PAX3: variants seen among roughly 807,000 people sequenced by gnomAD.
PAX3 encodes paired box 3, also known as paired box protein Pax-3.
In PAX3, 14 loss-of-function variants were observed where a neutral mutation model predicts 51.6. That is an observed-to-expected ratio of 0.27 (90% CI 0.18 to 0.42). PAX3 has a LOEUF of 0.42. PAX3 is among the 10% of genes least tolerant of loss of function. The pLI is 1.00. For synonymous variants in PAX3, 280 were observed against 253.4 expected, an observed-to-expected ratio of 1.11 and a Z score of -1.00; for missense variants, 540 against 642.8, an observed-to-expected ratio of 0.84 and a Z score of 1.73.
intron 4 of PAX3, among the ~76,000 whole-genome samples, chr2:222,291,087 G>A (rs1415922319): frequency 6.6e-6 from 1 of 152,192 alleles, no homozygotes; most frequent in Admixed American, 6.5e-5. Context: ...CTTTGGCGCA[G>A]AGCACAGGAG....
chr2:222,239,600 A>T (rs1692931716), intron 4 of PAX3, among the ~76,000 whole-genome samples: 1 of 152,212 alleles, frequency 6.6e-6, no homozygotes, highest in African/African-American at 2.4e-5. Context: ...CTATCAAGCC[A>T]TACATTGAAC....
rs1691315941 is a variant in PAX3, at chr2:222,202,097, T to C, written c.1267A>G (p.Thr423Ala). Residue 423 changes from threonine (T) to alanine (A), a missense_variant, in exon 8 of 9, where the codon ACC (threonine) becomes GCC (alanine). Thr to Ala is a moderately conservative substitution (Grantham distance 58). Coordinates refer to ENST00000392070, the MANE Select transcript of PAX3 (RefSeq NM_181458.4). ...TGACTGCAGCTGGCCGACACCGTGGTGGTAGGTTCCAGACCCCCGGTGAGA... is the reference window on the plus strand; with the variant it reads ...TGACTGCAGCTGGCCGACACCGTGGCGGTAGGTTCCAGACCCCCGGTGAGA... The part of the protein sequence containing the change: ...SPLTGGLEPT[T>A]TVSASCSQRL... 1 of 1,613,960 alleles carries C rather than the reference T, an allele frequency of 6.2e-7. No individual in the cohort carries two copies. The highest frequency in any genetic ancestry group is 2.2e-5 in the East Asian group (1 of 44,782).
At chr2:222,275,257 G>A (rs1310408444) in intron 4 of PAX3, among the ~76,000 whole-genome samples, 1 of 152,024 alleles carries the variant, frequency 6.6e-6, no homozygotes, top group Non-Finnish European at 1.5e-5. Context: ...GTTTTATAAT[G>A]TTTGGCTTCT....
At chr2:222,204,634 A>G (rs1057448230) in intron 7 of PAX3, among the ~76,000 whole-genome samples, 2 of 152,174 alleles carry the variant, frequency 1.3e-5, no homozygotes, top group East Asian at 3.8e-4. Context: ...GATTTTTTTA[A>G]TAAAAGGGAA....
intron 7 of PAX3, among the ~76,000 whole-genome samples, chr2:222,208,403 G>A (rs1179752383): frequency 2.6e-5 from 4 of 152,072 alleles, no homozygotes. Context: ...TAAACTTGGG[G>A]GAGTTAATGA....
intron 7 of PAX3, among the ~76,000 whole-genome samples, chr2:222,219,301 A>G (rs950368766): frequency 6.6e-6 from 1 of 152,148 alleles, no homozygotes. Context: ...CTCGATTGCA[A>G]TTATAGATTG....
At chr2:222,282,192 G>A (rs1175965658) in intron 4 of PAX3, among the ~76,000 whole-genome samples, 2 of 152,072 alleles carry the variant, frequency 1.3e-5, no homozygotes, top group Non-Finnish European at 2.9e-5. Flanking sequence ...GGCAATCATA[G>A]CTCCAGTTTT....
intron 4 of PAX3, chr2:222,293,533 C>T: frequency 8.2e-7 from 1 of 1,216,060 alleles, no homozygotes; most frequent in Non-Finnish European, 1.2e-6. Flanking sequence ...AACCCAGATC[C>T]CTTCAATTTG....
Position 222,203,166 on chromosome 2 carries a change from A to G in PAX3, c.1174-976T>C, listed in dbSNP as rs116731378. 5.3e-3 allele frequency among the ~76,000 whole-genome samples: 796 copies of G among 150,976 alleles called. 8 individuals carry two copies. Among genetic ancestry groups the G allele is most frequent in the African/African-American group, 0.019 (769 of 41,186 alleles). On this transcript the variant is annotated intron_variant, in intron 7 of 8. Coordinates refer to ENST00000392070, the MANE Select transcript of PAX3 (RefSeq NM_181458.4). ...CTTGGAAAAAAAAAAATATCCTGTG[A>G]CAGAATAACTTTCAGATCAACATGG...
rs71053057 is a variant in PAX3 at position 222,203,012 on chromosome 2, CATATATATATATATATATATATAT to C, written c.1174-846_1174-823del. On this transcript the variant is annotated intron_variant, in intron 7 of 8. Transcript: ENST00000392070. ...TTATTTCTTCTCTAAACAACCATTT[CATATATATATATATATATATATAT>C]ATATATATATATATATATATGAAGT... Among the ~76,000 whole-genome samples, 150 of 41,194 alleles carry C rather than the reference CATATATATATATATATATATATAT, an allele frequency of 3.6e-3. 3 individuals are homozygous for C. The South Asian group carries it at 0.05, about 14-fold the overall frequency. The allele number at this position is 41,194 out of a possible 152,430, so 27.0% of individuals were successfully genotyped here.
At chr2:222,251,486 C>T (rs933718098) in intron 4 of PAX3, among the ~76,000 whole-genome samples, 11 of 152,184 alleles carry the variant, frequency 7.2e-5, no homozygotes, top group African/African-American at 2.7e-4. Flanking sequence ...ATATGTGCCA[C>T]ATTTTCTTAA....
At chr2:222,284,635 G>A (rs1014956943) in intron 4 of PAX3, among the ~76,000 whole-genome samples, 29 of 152,120 alleles carry the variant, frequency 1.9e-4, no homozygotes, top group African/African-American at 6.7e-4. Flanking sequence ...GTGTGTGTGT[G>A]TGTGTGTTTG....
chr2:222,266,119 GA>G (rs200598197), intron 4 of PAX3, among the ~76,000 whole-genome samples: 3 of 151,996 alleles, frequency 2.0e-5, no homozygotes, highest in Non-Finnish European at 2.9e-5. Flanking sequence ...TTTAGAACGG[GA>G]AAAAAAATCA....
At chr2:222,272,438 T>A (rs1038015185) in intron 4 of PAX3, among the ~76,000 whole-genome samples, 2 of 152,212 alleles carry the variant, frequency 1.3e-5, no homozygotes, top group African/African-American at 2.4e-5. Context: ...TATGAAGTAA[T>A]AAGAATTTGC....
In PAX3 at chr2:222,260,598, T is replaced by G. The variant is rs1480269411; in HGVS notation, c.587-28315A>C. 1.8e-4 allele frequency among the ~76,000 whole-genome samples: 13 copies of G among 71,002 alleles called. 1 individual carries two copies. The highest frequency in any genetic ancestry group is 6.2e-4 in the South Asian group (1 of 1,608). The allele number at this position is 71,002 out of a possible 152,430, so 46.6% of individuals were successfully genotyped here. ...TTTTTGTTTTTTTTTTTTGTTTTTT[T>G]TTTTTTTTTTTGAGGCAAAGTCTCT... On this transcript the variant is annotated intron_variant, in intron 4 of 8. Coordinates refer to ENST00000392070, the MANE Select transcript of PAX3 (RefSeq NM_181458.4).
intron 4 of PAX3, among the ~76,000 whole-genome samples, chr2:222,271,179 A>G (rs1193665111): frequency 6.6e-6 from 1 of 152,216 alleles, no homozygotes; most frequent in Admixed American, 6.5e-5. Context: ...ACAACTATTC[A>G]GAGAGTGAAC....
chr2:222,267,631 T>C (rs45620233), intron 4 of PAX3, among the ~76,000 whole-genome samples: 97 of 152,280 alleles, frequency 6.4e-4, no homozygotes, highest in African/African-American at 2.2e-3. Context: ...TTTGTGGTAT[T>C]TTTTCCCAAG....
chr2:222,210,378 A>G (rs1051184299), intron 7 of PAX3, among the ~76,000 whole-genome samples: 7 of 152,168 alleles, frequency 4.6e-5, no homozygotes, highest in Admixed American at 3.3e-4. Flanking sequence ...ATCACTGCAT[A>G]TCAGATTCCC....
At chr2:222,219,289 T>C (rs1692089518) in intron 7 of PAX3, among the ~76,000 whole-genome samples, 1 of 152,054 alleles carries the variant, frequency 6.6e-6, no homozygotes, top group Non-Finnish European at 1.5e-5. Flanking sequence ...TCTGAAGAGA[T>C]TCTCGATTGC....
Sources: allele counts gnomAD v4.1 joint callset (sites outside exome capture counted in the v4.1 genomes callset), GRCh38; gene constraint gnomAD v4.1.1; transcripts MANE v1.5; gene names NCBI Gene and HGNC (gene_info 2026-07-23, HGNC 2026-07-21).